PCDHA6: variants seen among roughly 807,000 people sequenced by gnomAD.
PCDHA6 encodes protocadherin alpha-6.
PCDHA6 carries 55 observed loss-of-function variants against 60.3 expected under a neutral mutation model. The ratio of observed to expected loss-of-function variants is 0.91; its 90% confidence interval spans 0.73 to 1.14. The LOEUF (loss-of-function observed/expected upper bound fraction) is 1.14, where lower values mean the gene tolerates loss of function less well. Ranked by LOEUF, PCDHA6 falls within the 50% of genes most tolerant of loss-of-function variation. The pLI, the probability that PCDHA6 is intolerant of heterozygous loss-of-function variation, is 0.00. For synonymous variants in PCDHA6, 652 were observed against 557.9 expected, an observed-to-expected ratio of 1.17 and a Z score of -2.38; for missense variants, 1,327 against 1,256.5, an observed-to-expected ratio of 1.06 and a Z score of -0.85.
chr5:140,875,360 GA>G, intron 1 of PCDHA6: 1 of 1,447,846 alleles, frequency 6.9e-7, no homozygotes, highest in Non-Finnish European at 9.1e-7. Context: ...TGTGATGCTG[GA>G]AAAAATTTAC....
intron 1 of PCDHA6, among the ~76,000 whole-genome samples, chr5:140,962,950 C>T (rs2095723700): frequency 6.6e-6 from 1 of 152,152 alleles, no homozygotes; most frequent in African/African-American, 2.4e-5. Flanking sequence ...ATAAGATATG[C>T]TCTATCCCTA....
At chr5:140,929,503 G>A in intron 1 of PCDHA6, 1 of 886,378 alleles carries the variant, frequency 1.1e-6, no homozygotes, top group Non-Finnish European at 1.6e-6. Context: ...ATTGCCCTAG[G>A]CCTCAAGGGA....
intron 1 of PCDHA6, among the ~76,000 whole-genome samples, chr5:140,922,896 A>C (rs551056851): frequency 1.6e-3 from 238 of 152,336 alleles, no homozygotes; most frequent in Non-Finnish European, 2.0e-3. Context: ...TTCAAGAAAA[A>C]ATTTTGAGAT....
chr5:140,899,050 G>A (rs1554188361), intron 1 of PCDHA6, among the ~76,000 whole-genome samples: 2 of 152,016 alleles, frequency 1.3e-5, no homozygotes, highest in African/African-American at 4.8e-5. Context: ...TGTATCCTGA[G>A]ACTTTGCTGA....
chr5:140,962,920 T>C (rs2095718930), intron 1 of PCDHA6, among the ~76,000 whole-genome samples: 1 of 152,186 alleles, frequency 6.6e-6, no homozygotes, highest in South Asian at 2.1e-4. Context: ...ATTTGACAGA[T>C]ACTTCTCAAC....
At chr5:140,999,973 C>A (rs1370727292) in intron 3 of PCDHA6, among the ~76,000 whole-genome samples, 2 of 152,082 alleles carry the variant, frequency 1.3e-5, no homozygotes, top group African/African-American at 4.8e-5. Context: ...AGTAGCAGCT[C>A]TAGCGGCCTC....
At chr5:140,981,191 G>A (rs2096922052) in intron 2 of PCDHA6, among the ~76,000 whole-genome samples, 2 of 152,178 alleles carry the variant, frequency 1.3e-5, no homozygotes, top group South Asian at 4.1e-4. Context: ...AAGTTTGCCT[G>A]CTCTGTTGCC....
chr5:141,004,403 C>T (rs1424370254), intron 3 of PCDHA6, among the ~76,000 whole-genome samples: 1 of 152,166 alleles, frequency 6.6e-6, no homozygotes, highest in Non-Finnish European at 1.5e-5. Flanking sequence ...GGAGGAGGCA[C>T]CTGACTAGAT....
chr5:140,865,517 T>C (rs1562593227), intron 1 of PCDHA6: 1 of 152,232 alleles, frequency 6.6e-6, no homozygotes, highest in African/African-American at 2.4e-5. Context: ...TTTATGGTGC[T>C]GGAATTCTCT....
intron 1 of PCDHA6, chr5:140,968,110 G>A: frequency 1.2e-6 from 2 of 1,614,172 alleles, no homozygotes; most frequent in Non-Finnish European, 1.7e-6. Context: ...GAATACCGCA[G>A]CTCACATCCC....
chr5:140,979,615 A>G (rs965487699), intron 2 of PCDHA6, among the ~76,000 whole-genome samples: 1 of 152,258 alleles, frequency 6.6e-6, no homozygotes, highest in Non-Finnish European at 1.5e-5. Context: ...GAGTAACGGT[A>G]TTAGTCTAAG....
intron 1 of PCDHA6, chr5:140,853,345 C>G: frequency 4.1e-6 from 4 of 982,282 alleles, no homozygotes; most frequent in Middle Eastern, 5.3e-4. Flanking sequence ...CATTAGCAAA[C>G]ATGAACTCAC....
At chr5:140,896,262 T>C (rs2065465092) in intron 1 of PCDHA6, among the ~76,000 whole-genome samples, 2 of 152,258 alleles carry the variant, frequency 1.3e-5, no homozygotes, top group African/African-American at 4.8e-5. Flanking sequence ...TGTACACAGT[T>C]ATGGGATTTG....
In PCDHA6 at chr5:140,848,080, C is replaced by T. The variant is rs114595741; in HGVS notation, c.2394+17595C>T. 638 of 165,510 alleles carry T rather than the reference C, an allele frequency of 3.9e-3. 35 individuals carry two copies. Among genetic ancestry groups the T allele is most frequent in the African/African-American group, 0.014 (569 of 41,328 alleles). 10.3% of individuals were successfully genotyped at this position (165,510 alleles called of 1,614,324 possible). A position where few individuals can be genotyped will look rare whatever the true frequency, so the allele number is the denominator to read the frequency against. ...ACTTCATTTCTGTCGTTATTTAAAA[C>T]TTAAGTGGAGAGTTTTCTCAGGGAT... On this transcript the variant is annotated intron_variant, in intron 1 of 3. Transcript: ENST00000529310.
intron 1 of PCDHA6, chr5:140,969,195 A>G: frequency 6.2e-7 from 1 of 1,614,158 alleles, no homozygotes; most frequent in Non-Finnish European, 8.5e-7. Flanking sequence ...ATGTTTTACA[A>G]TACAGGGGCC....
intron 1 of PCDHA6, among the ~76,000 whole-genome samples, chr5:140,924,643 C>G (rs2081929149): frequency 1.3e-5 from 2 of 152,196 alleles, no homozygotes; most frequent in Admixed American, 1.3e-4. Flanking sequence ...ACCTGTAATC[C>G]CAGCACTTTG....
At position 140,870,837 on chromosome 5, in the gene PCDHA6, G is replaced by T. The variant is rs782610375; in HGVS notation, c.2394+40352G>T. ...GCAGCGCGGGAGGCGCAGTTAACAA[G>T]CTAGTACCGCGGTCGGTGGGTGCGG... On this transcript the variant is annotated intron_variant, in intron 1 of 3. Transcript: ENST00000529310. 5 of 1,613,820 alleles carry T rather than the reference G, an allele frequency of 3.1e-6. No individual in the cohort carries two copies. The South Asian group carries it at 4.4e-5, about 14-fold the overall frequency.
chr5:140,876,580 G>T, intron 1 of PCDHA6: 1 of 1,614,190 alleles, frequency 6.2e-7, no homozygotes, highest in African/African-American at 1.3e-5. Context: ...TACCGTCATT[G>T]CCCTGATTAG....
At chr5:140,858,847 CTA>C (rs1554152061) in intron 1 of PCDHA6, 1 of 294,410 alleles carries the variant, frequency 3.4e-6, no homozygotes, top group African/African-American at 2.3e-5. Context: ...TTCCACTGAT[CTA>C]TATCTCTTCA....
Sources: gnomAD v4.1 joint callset for allele counts (sites outside exome capture counted in the v4.1 genomes callset) on GRCh38, gnomAD v4.1.1 for gene constraint, MANE v1.5 for transcripts, NCBI Gene and HGNC (gene_info 2026-07-23, HGNC 2026-07-21) for gene names.